The following SLC25A21 variants were observed in gnomAD, a reference collection of about 807,000 sequenced individuals.
The protein encoded by SLC25A21 is solute carrier family 25 member 21, also known as mitochondrial 2-oxodicarboxylate carrier.
In SLC25A21, 47 loss-of-function variants were observed where a neutral mutation model predicts 43.8. That is an observed-to-expected ratio of 1.07 (90% CI 0.85 to 1.37). The LOEUF (loss-of-function observed/expected upper bound fraction) is 1.37. SLC25A21 is among the 40% of genes most tolerant of loss of function. The probability of loss-of-function intolerance (pLI) is 0.00; values close to 1 mark genes in which losing one functional copy is unlikely to be tolerated. For missense variants in SLC25A21, 352 were observed against 350.2 expected (o/e 1.00, Z -0.04); for synonymous variants, 131 against 121.3 (o/e 1.08, Z -0.52).
chr14:36,870,698 C>T (rs910389542), intron 2 of SLC25A21: 4 of 152,142 alleles, frequency 2.6e-5, no homozygotes, highest in Admixed American at 2.0e-4. Context: ...CAACTCAATA[C>T]AACCAGTATA....
At position 36,684,879 on chromosome 14, in the gene SLC25A21, G is replaced by T. The variant is rs752898382; in HGVS notation, c.650C>A (p.Ser217Ter). 6.2e-7 allele frequency: 1 copy of T among 1,612,608 alleles called. No individual in the cohort carries two copies. Among genetic ancestry groups the T allele is most frequent in the Non-Finnish European group, 8.5e-7 (1 of 1,179,652 alleles). The change falls in exon 8 of 10, where the codon TCG (serine) becomes TAG (stop). Residue 217 changes from serine (S) to a stop codon, truncating the protein, a stop_gained. Coordinates refer to ENST00000331299, the MANE Select transcript of SLC25A21 (RefSeq NM_030631.4). LOFTEE classifies it high-confidence loss of function. ...GTTAATGACTGAGGCTATTGTCCCC[G>T]AGAGAAGACCAATCCCAAATTTTCT... ...FWRKFGIGLLSGTIASVINIP... is the reference protein window; with the variant it reads ...FWRKFGIGLL
At chr14:36,929,751 G>C (rs1290940635) in intron 1 of SLC25A21, among the ~76,000 whole-genome samples, 1 of 152,104 alleles carries the variant, frequency 6.6e-6, no homozygotes, top group Non-Finnish European at 1.5e-5. Flanking sequence ...ACTATAGCTC[G>C]TCTCCAAGAA....
At chr14:36,917,283 G>A (rs191524912) in intron 1 of SLC25A21, among the ~76,000 whole-genome samples, 110 of 152,108 alleles carry the variant, frequency 7.2e-4, no homozygotes, top group African/African-American at 2.6e-3. Context: ...TCTCCTAAGT[G>A]AGCCTCATGA....
intron 1 of SLC25A21, among the ~76,000 whole-genome samples, chr14:37,070,517 CCTTT>C (rs1168153409): frequency 2.2e-4 from 33 of 152,234 alleles, no homozygotes; most frequent in Admixed American, 1.8e-3. Flanking sequence ...CAGTCTTCTT[CCTTT>C]GTCAATAGCC....
At chr14:36,684,630 GAC>G (rs1282567681) in intron 8 of SLC25A21, 112 bp downstream of exon 8, 1 of 939,752 alleles carries the variant, frequency 1.1e-6, no homozygotes, top group Admixed American at 2.7e-5. Context: ...CAGTTTCTTA[GAC>G]ACAAGCTCCA....
chr14:36,816,634 G>C (rs1888465898), intron 2 of SLC25A21, among the ~76,000 whole-genome samples: 1 of 151,532 alleles, frequency 6.6e-6, no homozygotes, highest in Non-Finnish European at 1.5e-5. Flanking sequence ...TCCCGAGCTG[G>C]GACTACAGGC....
intron 1 of SLC25A21, among the ~76,000 whole-genome samples, chr14:37,165,714 G>C (rs1457163437): frequency 1.3e-5 from 2 of 152,130 alleles, no homozygotes; most frequent in African/African-American, 4.8e-5. Flanking sequence ...CACAGACCCT[G>C]GGAGGTTCTG....
rs7145772 is a variant in SLC25A21, at chr14:36,809,633, G to A, written c.203+4285C>T. Among the ~76,000 whole-genome samples the A allele has an allele frequency of 8.8e-3, 1,338 of 152,276 alleles. 18 individuals carry two copies. The highest frequency in any genetic ancestry group is 0.029 in the African/African-American group (1,205 of 41,562). ...GTGAGGAATTGCATCTCTAAGAATG[G>A]TGGAGAGAACCATTTCATTTTCTTA... On this transcript the variant is annotated intron_variant, in intron 3 of 9. Transcript: ENST00000331299.
intron 3 of SLC25A21, among the ~76,000 whole-genome samples, chr14:36,758,860 G>A (rs1170369842): frequency 6.6e-6 from 1 of 152,138 alleles, no homozygotes; most frequent in Admixed American, 6.5e-5. Flanking sequence ...GAGGCGTCCA[G>A]GAGAACAATC....
chr14:36,770,967 CCTT>C (rs1235055042), intron 3 of SLC25A21, among the ~76,000 whole-genome samples: 1 of 152,256 alleles, frequency 6.6e-6, no homozygotes, highest in East Asian at 1.9e-4. Context: ...CACCTCTCCT[CCTT>C]ATCAAGAAGT....
At chr14:36,985,715 T>C (rs909567744) in intron 1 of SLC25A21, among the ~76,000 whole-genome samples, 1 of 152,188 alleles carries the variant, frequency 6.6e-6, no homozygotes, top group South Asian at 2.1e-4. Flanking sequence ...ATAATGGTTG[T>C]CGTAATTTTC....
chr14:36,927,165 G>A (rs976082469), intron 1 of SLC25A21, among the ~76,000 whole-genome samples: 5 of 152,124 alleles, frequency 3.3e-5, no homozygotes, highest in Admixed American at 6.5e-5. Flanking sequence ...ACAAGACTTC[G>A]TCTTAAAACA....
At chr14:36,702,460 G>A (rs1426632577) in intron 7 of SLC25A21, among the ~76,000 whole-genome samples, 5 of 116,440 alleles carry the variant, frequency 4.3e-5, no homozygotes, top group African/African-American at 1.7e-4. Flanking sequence ...GCAACACAGG[G>A]AGATCCTGTC....
At chr14:36,866,338 C>T (rs1252794166) in intron 2 of SLC25A21, among the ~76,000 whole-genome samples, 1 of 152,104 alleles carries the variant, frequency 6.6e-6, no homozygotes, top group Non-Finnish European at 1.5e-5. Flanking sequence ...CTGATTTATG[C>T]TCTGTTCAAA....
Position 36,697,738 on chromosome 14 carries a change from C to CTTTTTTTTTTTTTTTTTTTTTTTTTTTTT in SLC25A21, c.604-12814_604-12813insAAAAAAAAAAAAAAAAAAAAAAAAAAAAA, listed in dbSNP as rs757711209. ...TCTGAGACTAGGATTGCAAGCCCTA[C>CTTTTTTTTTTTTTTTTTTTTTTTTTTTTT]TTTTTTTTTTTGCTTTCCATTTGCT... On this transcript the variant is annotated intron_variant, in intron 7 of 9. Coordinates refer to ENST00000331299, the MANE Select transcript of SLC25A21 (RefSeq NM_030631.4). Among the ~76,000 whole-genome samples the CTTTTTTTTTTTTTTTTTTTTTTTTTTTTT allele has an allele frequency of 1.3e-4, 15 of 111,636 alleles. 1 individual carries two copies. Among genetic ancestry groups the CTTTTTTTTTTTTTTTTTTTTTTTTTTTTT allele is most frequent in the Non-Finnish European group, 2.2e-4 (12 of 54,810 alleles). The allele number at this position is 111,636 out of a possible 152,430, so 73.2% of individuals were successfully genotyped here. A position where few individuals can be genotyped will look rare whatever the true frequency, so the allele number is the denominator to read the frequency against.
At chr14:36,806,447 C>A (rs1888044334) in intron 3 of SLC25A21, among the ~76,000 whole-genome samples, 1 of 152,048 alleles carries the variant, frequency 6.6e-6, no homozygotes, top group South Asian at 2.1e-4. Flanking sequence ...GATTTCATCA[C>A]CATACATTGC....
At chr14:37,028,714 A>G (rs1961144510) in intron 1 of SLC25A21, among the ~76,000 whole-genome samples, 1 of 152,176 alleles carries the variant, frequency 6.6e-6, no homozygotes, top group African/African-American at 2.4e-5. Context: ...CGTTTCTTCA[A>G]TGGTGACATC....
intron 1 of SLC25A21, among the ~76,000 whole-genome samples, chr14:36,973,028 ATTTTATTTTATTTTAT>A (rs1959788135): frequency 6.7e-6 from 1 of 149,112 alleles, no homozygotes; most frequent in South Asian, 2.1e-4. Context: ...TATTTATTTT[ATTTTATTTTATTTTAT>A]TTTATTTTAT....
intron 1 of SLC25A21, among the ~76,000 whole-genome samples, chr14:37,070,257 T>A (rs531314580): frequency 9.2e-5 from 14 of 152,218 alleles, no homozygotes; most frequent in Admixed American, 9.2e-4. Context: ...TTCCTTCAAG[T>A]GCTGTGGACA....
Sources: allele counts gnomAD v4.1 joint callset (sites outside exome capture counted in the v4.1 genomes callset), GRCh38; gene constraint gnomAD v4.1.1; transcripts MANE v1.5; gene names NCBI Gene and HGNC (gene_info 2026-07-23, HGNC 2026-07-21).